Variants in PRMT8 observed in about 807,000 individuals in gnomAD.
The protein encoded by PRMT8 is protein arginine methyltransferase 8.
Under a neutral mutation model 47.1 loss-of-function variants are expected in PRMT8, and 7 were observed. The ratio of observed to expected loss-of-function variants is 0.15; its 90% CI spans 0.08 to 0.28. The LOEUF (loss-of-function observed/expected upper bound fraction) is 0.28. Ranked by LOEUF, PRMT8 falls within the 10% of genes least tolerant of loss-of-function variation. The probability of loss-of-function intolerance (pLI) is 1.00; values close to 1 mark genes in which losing one functional copy is unlikely to be tolerated. For synonymous variants in PRMT8, 188 were observed against 186.5 expected (o/e 1.01, Z -0.07); for missense variants, 237 against 505.4 (o/e 0.47, Z 5.09).
At chr12:3,521,184 TA>T (rs1365195967) in intron 1 of PRMT8, among the ~76,000 whole-genome samples, 1 of 152,116 alleles carries the variant, frequency 6.6e-6, no homozygotes, top group African/African-American at 2.4e-5. Context: ...GGGAGAGAAC[TA>T]ATAAGCAAAC....
At chr12:3,562,593 A>G (rs1866655647) in intron 4 of PRMT8, among the ~76,000 whole-genome samples, 1 of 152,214 alleles carries the variant, frequency 6.6e-6, no homozygotes, top group Non-Finnish European at 1.5e-5. Context: ...GCTGGCTGTC[A>G]CACACTGCCT....
chr12:3,574,099 C>A (rs960031574), intron 6 of PRMT8: 5 of 152,194 alleles, frequency 3.3e-5, no homozygotes, highest in African/African-American at 1.2e-4. Context: ...AAACACCAGG[C>A]ATTGCAAAAC....
At position 3,388,900 on chromosome 12, in the gene PRMT8, G is replaced by A. The variant is rs117245626; in HGVS notation, c.48+7458G>A. ...ACTTTTTTTCCCCAAAGCCTGATGC[G>A]TGTCAGTCACTCTTCTCTGACTGTT... On this transcript the variant is annotated intron_variant, in intron 1 of 9. Transcript: ENST00000452611. 5.5e-3 allele frequency among the ~76,000 whole-genome samples: 836 copies of A among 152,192 alleles called. 3 individuals carry two copies. The highest frequency in any genetic ancestry group is 7.9e-3 in the Non-Finnish European group (539 of 68,022).
At chr12:3,513,786 A>G (rs573412229) in intron 1 of PRMT8, among the ~76,000 whole-genome samples, 8 of 152,372 alleles carry the variant, frequency 5.3e-5, no homozygotes, top group East Asian at 1.9e-4. Context: ...AGAGAGCATC[A>G]TAAGTTACCA....
rs1267568189 is a variant in PRMT8, at chr12:3,418,615, G to C, written c.48+37173G>C. On this transcript the variant is annotated intron_variant, in intron 1 of 9. Coordinates refer to the PRMT8 transcript ENST00000452611. ...CATTTTGTGGCTTCAGGCCCACTCC[G>C]TGTGTGGAGGCGGGGATTACTCTAG... Among the ~76,000 whole-genome samples the C allele has an allele frequency of 3.9e-5, 6 of 152,336 alleles. No individual in the cohort carries two copies. In the East Asian group the frequency reaches 1.2e-3, roughly 29 times the overall value.
chr12:3,390,671 G>C (rs1864184708), intron 1 of PRMT8, among the ~76,000 whole-genome samples: 1 of 152,204 alleles, frequency 6.6e-6, no homozygotes, highest in Non-Finnish European at 1.5e-5. Flanking sequence ...ATCAAGCAGT[G>C]TGATTTCTGA....
At chr12:3,523,866 T>G (rs1289688994) in intron 1 of PRMT8, among the ~76,000 whole-genome samples, 2 of 152,252 alleles carry the variant, frequency 1.3e-5, no homozygotes, top group Non-Finnish European at 2.9e-5. Context: ...AAACCACTCC[T>G]TCTGCCTCTC....
chr12:3,539,227 C>T (rs1454068279), intron 1 of PRMT8, among the ~76,000 whole-genome samples: 1 of 152,166 alleles, frequency 6.6e-6, no homozygotes, highest in East Asian at 1.9e-4. Flanking sequence ...TATATCAACT[C>T]CTCCAAACTT....
At chr12:3,523,963 C>T (rs765776521) in intron 1 of PRMT8, among the ~76,000 whole-genome samples, 9 of 152,202 alleles carry the variant, frequency 5.9e-5, no homozygotes, top group African/African-American at 1.2e-4. Context: ...CAAACAAAGG[C>T]GACTACTCGG....
chr12:3,571,551 G>A (rs1866845953), intron 6 of PRMT8, among the ~76,000 whole-genome samples: 2 of 152,020 alleles, frequency 1.3e-5, no homozygotes, highest in African/African-American at 2.4e-5. Flanking sequence ...GGCTCCTAAG[G>A]CACTGGCCCC....
intron 1 of PRMT8, among the ~76,000 whole-genome samples, chr12:3,461,825 C>T (rs1369443809): frequency 6.6e-6 from 1 of 152,038 alleles, no homozygotes; most frequent in Non-Finnish European, 1.5e-5. Flanking sequence ...AGACTCTGTC[C>T]CAGATACCCT....
intron 6 of PRMT8, among the ~76,000 whole-genome samples, chr12:3,575,043 C>T (rs1175038824): frequency 2.6e-5 from 4 of 152,196 alleles, no homozygotes; most frequent in Non-Finnish European, 5.9e-5. Flanking sequence ...CTCCTCCCCA[C>T]GAAGTAGGTT....
intron 1 of PRMT8, among the ~76,000 whole-genome samples, chr12:3,529,031 G>A (rs1462617840): frequency 6.6e-6 from 1 of 152,152 alleles, no homozygotes; most frequent in Non-Finnish European, 1.5e-5. Context: ...CCGAGGCTGT[G>A]GTAGTTTTTT....
chr12:3,547,265 C>CA (rs925800470), intron 2 of PRMT8, among the ~76,000 whole-genome samples: 2 of 150,442 alleles, frequency 1.3e-5, no homozygotes, highest in East Asian at 2.0e-4. Flanking sequence ...AGGAAAGAAC[C>CA]AAAAAATAAA....
intron 1 of PRMT8, among the ~76,000 whole-genome samples, chr12:3,484,262 A>T (rs1402433606): frequency 6.6e-6 from 1 of 152,188 alleles, no homozygotes; most frequent in Non-Finnish European, 1.5e-5. Context: ...GGTGGTTAGC[A>T]TCATAATCCA....
intron 1 of PRMT8, among the ~76,000 whole-genome samples, chr12:3,455,188 G>A (rs534561643): frequency 5.9e-5 from 9 of 152,102 alleles, no homozygotes; most frequent in African/African-American, 2.2e-4. Context: ...GTTACTGTGC[G>A]GTGGGCATAA....
intron 1 of PRMT8, among the ~76,000 whole-genome samples, chr12:3,460,637 G>A (rs1212839216): frequency 6.6e-6 from 1 of 152,166 alleles, no homozygotes; most frequent in African/African-American, 2.4e-5. Flanking sequence ...TAGGCTTAGT[G>A]TATTACCCAA....
At chr12:3,517,997 C>T (rs763104324) in intron 1 of PRMT8, among the ~76,000 whole-genome samples, 3 of 151,270 alleles carry the variant, frequency 2.0e-5, no homozygotes, top group African/African-American at 7.3e-5. Flanking sequence ...GGGTTATGCT[C>T]TTTGTTGGAT....
At chr12:3,395,336 C>T (rs1189416461) in intron 1 of PRMT8, among the ~76,000 whole-genome samples, 1 of 149,922 alleles carries the variant, frequency 6.7e-6, no homozygotes, top group Non-Finnish European at 1.5e-5. Flanking sequence ...CCTGCTTTCT[C>T]TTGTGGGCAT....
Sources: gnomAD v4.1 joint callset for allele counts (sites outside exome capture counted in the v4.1 genomes callset) on GRCh38, gnomAD v4.1.1 for gene constraint, MANE v1.5 for transcripts, NCBI Gene and HGNC (gene_info 2026-07-23, HGNC 2026-07-21) for gene names.